Variants in CFAP69 observed in about 807,000 individuals in gnomAD.
The protein encoded by CFAP69 is cilia- and flagella-associated protein 69.
In CFAP69, 92 loss-of-function variants were observed where a neutral mutation model predicts 123.0. That is an observed-to-expected ratio of 0.75 (90% CI 0.63 to 0.89). The LOEUF (loss-of-function observed/expected upper bound fraction) is 0.89, where lower values mean the gene tolerates loss of function less well. CFAP69 is among the 40% of genes least tolerant of loss of function. The pLI, the probability that CFAP69 is intolerant of heterozygous loss-of-function variation, is 0.00. For missense variants in CFAP69, 1,067 were observed against 1,096.9 expected (o/e 0.97, Z 0.39); for synonymous variants, 380 against 364.3 (o/e 1.04, Z -0.49).
chr7:90,279,156 A>G (rs966481297), intron 11 of CFAP69, among the ~76,000 whole-genome samples: 3 of 152,102 alleles, frequency 2.0e-5, no homozygotes, highest in Admixed American at 6.5e-5. Flanking sequence ...TTTATTTGGT[A>G]GAATGTTTAT....
At chr7:90,269,893 G>A (rs1008432126) in intron 6 of CFAP69, among the ~76,000 whole-genome samples, 1 of 152,108 alleles carries the variant, frequency 6.6e-6, no homozygotes, top group African/African-American at 2.4e-5. Flanking sequence ...AGAAAGAAAT[G>A]GGAAGGTGAA....
At chr7:90,250,187 G>GGAGAGAGAGAGA (rs10527106) in intron 1 of CFAP69, among the ~76,000 whole-genome samples, 2,036 of 125,484 alleles carry the variant, frequency 0.016, 81 homozygotes, top group Middle Eastern at 0.021. Flanking sequence ...TTTAAAGAGA[G>GGAGAGAGAGAGA]GAGAGAGAGA....
At chr7:90,288,893 T>TA (rs1790692388) in intron 15 of CFAP69, among the ~76,000 whole-genome samples, 1 of 151,912 alleles carries the variant, frequency 6.6e-6, no homozygotes, top group Non-Finnish European at 1.5e-5. Flanking sequence ...ATTTTTTTTT[T>TA]ACTTTATAAA....
intron 4 of CFAP69, among the ~76,000 whole-genome samples, chr7:90,264,091 G>GAA (rs1165222104): frequency 0.015 from 262 of 17,966 alleles, 28 homozygotes; most frequent in East Asian, 0.081. Flanking sequence ...ACTCCATCTC[G>GAA]AAAAAAAAAA....
chr7:90,265,107 A>T (rs866254574), intron 4 of CFAP69, among the ~76,000 whole-genome samples, 194 bp from the exon 5 acceptor site: 1 of 152,122 alleles, frequency 6.6e-6, no homozygotes, highest in Non-Finnish European at 1.5e-5. Flanking sequence ...AACATTTTTA[A>T]TAGTTACAAT....
chr7:90,304,326 G>T (rs770731955), intron 18 of CFAP69: 53 of 1,278,394 alleles, frequency 4.1e-5, no homozygotes, highest in Non-Finnish European at 5.0e-5. Flanking sequence ...AGCTCCCCAG[G>T]CAATTCCAAT....
At chr7:90,319,502 G>T in the CFAP69 span, 8 of 398,326 alleles carry the variant, frequency 2.0e-5, no homozygotes, top group Non-Finnish European at 3.5e-5. Flanking sequence ...TGTCCAGGCC[G>T]CTGAGATTTT....
At chr7:90,255,511 C>A in intron 2 of CFAP69, 29 bp downstream of exon 2, 2 of 1,503,166 alleles carry the variant, frequency 1.3e-6, no homozygotes, top group Non-Finnish European at 1.8e-6. Flanking sequence ...AAAATTACTC[C>A]GCTGCATTAC....
intron 15 of CFAP69, among the ~76,000 whole-genome samples, chr7:90,291,588 T>G (rs1791205302): frequency 6.6e-6 from 1 of 152,184 alleles, no homozygotes; most frequent in African/African-American, 2.4e-5. Context: ...TTCAAATGCA[T>G]CTGACATTTT....
At chr7:90,314,089 C>A (rs1242747928), downstream of CFAP69, among the ~76,000 whole-genome samples, 1 of 152,092 alleles carries the variant, frequency 6.6e-6, no homozygotes, top group East Asian at 1.9e-4. Context: ...TTGCAATATA[C>A]CTGACCAGTA....
chr7:90,270,665 T>C (rs1799819669), intron 6 of CFAP69, among the ~76,000 whole-genome samples: 1 of 152,028 alleles, frequency 6.6e-6, no homozygotes, highest in Non-Finnish European at 1.5e-5. Flanking sequence ...ACCTCAGAAC[T>C]AGGGCAAAGT....
intron 20 of CFAP69, 44 bp downstream of exon 20, chr7:90,307,142 G>C (rs1225898242): frequency 6.9e-7 from 1 of 1,448,716 alleles, no homozygotes; most frequent in East Asian, 2.3e-5. Context: ...AGATAGGTTG[G>C]TTAATGGGCA....
Position 90,279,663 on chromosome 7 carries a change from G to C in CFAP69, c.1156-14G>C, listed in dbSNP as rs934134495. 2 of 1,546,544 alleles carry C rather than the reference G, an allele frequency of 1.3e-6. No homozygotes were observed. Among genetic ancestry groups the C allele is most frequent in the Non-Finnish European group, 1.8e-6 (2 of 1,141,246 alleles). ...CTATGTTTCTAACAAAGTATCCTTT[G>C]TTCTTTCTCACAGCTATTAATTGAT... On this transcript the variant is annotated splice_polypyrimidine_tract_variant and intron_variant, in intron 11 of 22. Coordinates refer to ENST00000389297, the MANE Select transcript of CFAP69 (RefSeq NM_001039706.3).
intron 3 of CFAP69, 143 bp from the exon 4 acceptor site, chr7:90,261,804 C>T (rs1226829451): frequency 4.9e-6 from 2 of 406,828 alleles, no homozygotes; most frequent in African/African-American, 2.1e-5. Context: ...TTTTAGACTT[C>T]AAAATAAGAA....
intron 19 of CFAP69, among the ~76,000 whole-genome samples, chr7:90,306,134 T>C (rs182587247): frequency 6.5e-4 from 96 of 147,184 alleles, no homozygotes; most frequent in African/African-American, 2.2e-3. Flanking sequence ...CGGGGCGGGG[T>C]AGAGACAAGG....
intron 4 of CFAP69, among the ~76,000 whole-genome samples, chr7:90,262,261 C>A (rs907259022): frequency 6.6e-6 from 1 of 152,080 alleles, no homozygotes; most frequent in Non-Finnish European, 1.5e-5. Flanking sequence ...AGATTAAATT[C>A]TAAGTATATT....
At chr7:90,301,998 CT>C (rs1330092434) in intron 17 of CFAP69, 2 of 152,100 alleles carry the variant, frequency 1.3e-5, no homozygotes, top group African/African-American at 4.8e-5. Flanking sequence ...TATTTTTTGA[CT>C]TTTTAATAAC....
chr7:90,281,435 T>C (rs1185124731), intron 12 of CFAP69, among the ~76,000 whole-genome samples: 2 of 152,126 alleles, frequency 1.3e-5, no homozygotes, highest in Non-Finnish European at 2.9e-5. Context: ...ATTAAAATTA[T>C]GTGGTACTGG....
rs17863972 is a variant in CFAP69, at chr7:90,273,631, A to G, written c.861-356A>G. 1.0e-3 allele frequency among the ~76,000 whole-genome samples: 157 copies of G among 152,326 alleles called. 1 individual carries two copies. The highest frequency in any genetic ancestry group is 2.0e-3 in the Non-Finnish European group (133 of 68,014). ...AGTGTGTGTTTTAGTTTGAGCTGCT[A>G]TAATAAAGTACCGTAAACTGGGTGG... On this transcript the variant is annotated intron_variant, in intron 8 of 22. Transcript: ENST00000389297.
Sources: gnomAD v4.1 joint callset for allele counts (sites outside exome capture counted in the v4.1 genomes callset) on GRCh38, gnomAD v4.1.1 for gene constraint, MANE v1.5 for transcripts, NCBI Gene and HGNC (gene_info 2026-07-23, HGNC 2026-07-21) for gene names.